The following ODF2 variants were observed in gnomAD, a reference collection of about 807,000 sequenced individuals.
ODF2 encodes the protein outer dense fiber of sperm tails 2.
In ODF2, 47 loss-of-function variants were observed where a neutral mutation model predicts 110.2. That is an observed-to-expected ratio of 0.43 (90% CI 0.34 to 0.54). The LOEUF is 0.54. Among genes scored for constraint, ODF2 ranks in the 20% least tolerant of loss-of-function variants. The probability of loss-of-function intolerance (pLI) is 0.03; values close to 1 mark genes in which losing one functional copy is unlikely to be tolerated. For missense variants in ODF2, 812 were observed against 1,054.5 expected (o/e 0.77, Z 3.19); for synonymous variants, 352 against 397.7 (o/e 0.89, Z 1.37).
exon 2 of ODF2, chr9:128,457,208 G>T: frequency 6.4e-7 from 1 of 1,563,892 alleles, no homozygotes; most frequent in Non-Finnish European, 8.6e-7. Flanking sequence ...GACAGTTGCT[G>T]TGCGACTTGG....
chr9:128,484,852 A>G, exon 12 of ODF2: 1 of 1,614,062 alleles, frequency 6.2e-7, no homozygotes. Context: ...AGCGAGGAGT[A>G]TGCTGAGCAG....
intron 14 of ODF2, among the ~76,000 whole-genome samples, chr9:128,488,963 C>T (rs1290201583): frequency 6.6e-6 from 1 of 152,094 alleles, no homozygotes; most frequent in African/African-American, 2.4e-5. Context: ...GCCGAGATTG[C>T]GCCACTGCAC....
In ODF2 at chr9:128,488,083, G is replaced by T. The variant is rs147731450; in HGVS notation, c.1536+58G>T. ...GATGGGGCCCAGCGAGCTGATGAGG[G>T]GTCTTGTCTTACGTGGGCCTGGGGG... On this transcript the variant is annotated intron_variant, in intron 14 of 20. Transcript: ENST00000604420. The T allele has an allele frequency of 1.5e-5, 24 of 1,602,922 alleles. No homozygotes were observed. In the East Asian group the frequency reaches 4.9e-4, roughly 33 times the overall value.
intron 5 of ODF2, among the ~76,000 whole-genome samples, chr9:128,469,747 C>G (rs958044880): frequency 1.3e-5 from 2 of 151,518 alleles, no homozygotes; most frequent in Non-Finnish European, 2.9e-5. Context: ...GTAATCCCAG[C>G]ACTTTGGGAG....
At chr9:128,455,928 A>C (rs1049137468), upstream of ODF2, 4 of 1,393,818 alleles carry the variant, frequency 2.9e-6, no homozygotes, top group Admixed American at 1.3e-4. Flanking sequence ...ATGGGGGGCG[A>C]GACCCGGCCA....
intron 14 of ODF2, among the ~76,000 whole-genome samples, chr9:128,491,406 C>A (rs1048058825): frequency 6.6e-6 from 1 of 151,368 alleles, no homozygotes; most frequent in Non-Finnish European, 1.5e-5. Flanking sequence ...GCCTATAATC[C>A]CAGCACTTTG....
rs552760235 is a variant in ODF2, at chr9:128,488,252, CTG to C, written c.1536+231_1536+232del. 3.0e-4 allele frequency among the ~76,000 whole-genome samples: 45 copies of C among 152,260 alleles called. 1 individual carries two copies. The highest frequency in any genetic ancestry group is 1.1e-3 in the African/African-American group (44 of 41,544). On this transcript the variant is annotated intron_variant, in intron 14 of 20. Coordinates refer to ENST00000604420, the Ensembl canonical transcript of ODF2. ...CCAGCCTGGGCAACATGGCAAAATC[CTG>C]TGTCTGCAAAACATACAAAAAGTAG... is the stretch of plus-strand genomic sequence containing the variant.
chr9:128,459,966 G>T (rs552353788), intron 3 of ODF2, among the ~76,000 whole-genome samples: 34 of 152,136 alleles, frequency 2.2e-4, no homozygotes, highest in Non-Finnish European at 4.7e-4. Flanking sequence ...GGAAGGATAA[G>T]AGCTGGTGGT....
At chr9:128,492,447 G>T in exon 15 of ODF2, 1 of 1,613,886 alleles carries the variant, frequency 6.2e-7, no homozygotes, top group South Asian at 1.1e-5. Flanking sequence ...TCCAATGGAG[G>T]ACAAACTCAA....
intron 6 of ODF2, 123 bp downstream of exon 6, chr9:128,471,591 C>G: frequency 1.3e-6 from 1 of 791,088 alleles, no homozygotes; most frequent in Admixed American, 3.2e-5. Flanking sequence ...TGCCCTGGAG[C>G]CTGTTCAACA....
chr9:128,457,238 C>A (rs763701006), exon 2 of ODF2: 8 of 1,593,168 alleles, frequency 5.0e-6, no homozygotes, highest in Non-Finnish European at 5.1e-6. Context: ...GAGCGCCTCC[C>A]AAGTTTTCAT....
At chr9:128,462,003 T>C (rs1022830004) in intron 4 of ODF2, among the ~76,000 whole-genome samples, 3 of 152,298 alleles carry the variant, frequency 2.0e-5, no homozygotes, top group Non-Finnish European at 2.9e-5. Flanking sequence ...CTACATATAC[T>C]TCACTAATAA....
At chr9:128,469,231 G>T in exon 5 of ODF2, 1 of 1,614,076 alleles carries the variant, frequency 6.2e-7, no homozygotes, top group Non-Finnish European at 8.5e-7. Context: ...AGAAAAGCTG[G>T]TCTCAGTGAT....
At chr9:128,470,063 A>G (rs1839587630) in intron 5 of ODF2, among the ~76,000 whole-genome samples, 1 of 126,746 alleles carries the variant, frequency 7.9e-6, no homozygotes, top group African/African-American at 2.9e-5. Context: ...AAAAATTAAC[A>G]AAAACAAAGC....
At chr9:128,466,998 AAAAAAAAAAAAAAAAAATATAT>A (rs1295261371) in intron 4 of ODF2, among the ~76,000 whole-genome samples, 9 of 63,366 alleles carry the variant, frequency 1.4e-4, no homozygotes, top group African/African-American at 6.7e-4. Context: ...AAAAAAAAAA[AAAAAAAAAAAAAAAAAATATAT>A]ATATATATAT....
At chr9:128,460,783 C>G (rs1284491513) in intron 3 of ODF2, 117 bp downstream of exon 3, 2 of 1,522,314 alleles carry the variant, frequency 1.3e-6, no homozygotes, top group Non-Finnish European at 1.8e-6. Context: ...CTTTCGGAGG[C>G]CGGTTTCCTG....
intron 18 of ODF2, chr9:128,497,449 A>T: frequency 1.9e-5 from 1 of 52,136 alleles, no homozygotes; most frequent in Admixed American, 2.2e-4. Context: ...AAAAAAAAAT[A>T]TATATATATA....
chr9:128,497,477 ATATATATAT>A (rs1845850318), intron 18 of ODF2: 1 of 118,230 alleles, frequency 8.5e-6, no homozygotes, highest in African/African-American at 3.2e-5. Flanking sequence ...ATATATATAT[ATATATATAT>A]GTATAAAATT....
chr9:128,497,481 ATATATG>A (rs1273035650), intron 18 of ODF2: 1 of 116,710 alleles, frequency 8.6e-6, no homozygotes, highest in African/African-American at 3.3e-5. Context: ...ATATATATAT[ATATATG>A]TATAAAATTA....
Sources: allele counts gnomAD v4.1 joint callset (sites outside exome capture counted in the v4.1 genomes callset), GRCh38; gene constraint gnomAD v4.1.1; transcripts MANE v1.5; gene names NCBI Gene and HGNC (gene_info 2026-07-23, HGNC 2026-07-21).